Variants in B4GAT1 observed in about 807,000 individuals in gnomAD.
B4GAT1 encodes the protein N-acetyllactosaminide beta-1,3-N-acetylglucosaminyltransferase.
A neutral mutation model predicts 35.0 loss-of-function variants in B4GAT1; 18 were observed. The observed-to-expected ratio is 0.51, with a 90% CI of 0.36 to 0.76. The LOEUF (loss-of-function observed/expected upper bound fraction) is 0.76. Among genes scored for constraint, B4GAT1 ranks in the 30% least tolerant of loss-of-function variants. The pLI is 0.01. For synonymous variants in B4GAT1, 217 were observed against 251.6 expected, an observed-to-expected ratio of 0.86 and a Z score of 1.30; for missense variants, 458 against 555.0, an observed-to-expected ratio of 0.83 and a Z score of 1.76.
Position 66,347,261 on chromosome 11 carries a change from C to G in B4GAT1, c.285G>C (p.Val95=). ...CCACGCTGGCGTGCGTGGCCAGGAT[C>G]ACATCGTTGGGGTCCATGGTGGTCT... ...LLKTTMDPND[V]ILATHASVDN... is the part of the protein sequence containing the mutation. Residue 95 remains valine, a synonymous_variant, in exon 1 of 2, where the codon GTG becomes GTC. Transcript: ENST00000311181. This position sits in a 1 kb window ranked among gnomAD's most constrained non-coding sequence, Gnocchi z 6.3. 6.4e-7 allele frequency: 1 copy of G among 1,570,412 alleles called. No individual in the cohort carries two copies. Among genetic ancestry groups the G allele is most frequent in the Non-Finnish European group, 8.6e-7 (1 of 1,158,120 alleles).
Position 66,347,080 on chromosome 11 carries a change from G to T in B4GAT1, c.466C>A (p.His156Asn). The change falls in exon 1 of 2, where the codon CAC becomes AAC. Residue 156 changes from histidine to asparagine, a missense_variant. His to Asn is a moderately conservative substitution (Grantham distance 68). Coordinates refer to ENST00000311181, the MANE Select transcript of B4GAT1 (RefSeq NM_006876.3). This position sits in a 1 kb window ranked among gnomAD's most constrained non-coding sequence, Gnocchi z 6.3. ...CPDMRARVAM[H>N]LVCPSRYEAA... ...TCGTAACGCGAGGGGCACACGAGGT[G>T]CATGGCGACCCTGGCGCGCATGTCG... 1 of 1,584,310 alleles carries T rather than the reference G, an allele frequency of 6.3e-7. No individual in the cohort carries two copies. Among genetic ancestry groups the T allele is most frequent in the Non-Finnish European group, 8.6e-7 (1 of 1,166,252 alleles).
Position 66,346,650 on chromosome 11 carries a change from G to T in B4GAT1, c.896C>A (p.Thr299Asn). Reference sequence around the variant, plus strand: ...CAGGTTGACCCAGCGGGAATAGTTGGTGGGTGCCTGGCAGGGGGTGCACAA... The same window carrying T: ...CAGGTTGACCCAGCGGGAATAGTTGTTGGGTGCCTGGCAGGGGGTGCACAA... ...YGLCTPCQAP[T>N]NYSRWVNLPE... The change falls in exon 1 of 2, where the codon ACC (threonine) becomes AAC (asparagine). Residue 299 changes from threonine (T) to asparagine (N), a missense_variant. By Grantham distance (65) the Thr-to-Asn change is moderately conservative. Transcript: ENST00000311181. This position sits in a 1 kb window ranked among gnomAD's most constrained non-coding sequence, Gnocchi z 6.1. 1 of 1,613,854 alleles carries T rather than the reference G, an allele frequency of 6.2e-7. No individual in the cohort carries two copies. Among genetic ancestry groups the T allele is most frequent in the Non-Finnish European group, 8.5e-7 (1 of 1,180,024 alleles).
At position 66,345,965 on chromosome 11, in the gene B4GAT1, A is replaced by G; in HGVS notation, c.*84T>C. 4 of 1,414,150 alleles carry G rather than the reference A, an allele frequency of 2.8e-6. No individual in the cohort carries two copies. In the East Asian group the frequency reaches 9.2e-5, roughly 33 times the overall value. The allele number at this position is 1,414,150 out of a possible 1,614,324, so 87.6% of individuals were successfully genotyped here. Reference sequence around the variant, plus strand: ...CACCACAGCTACCTCTGTAAAGTGGAGCGACATTTCTTACCCCAGTCAGGC... The same window carrying G: ...CACCACAGCTACCTCTGTAAAGTGGGGCGACATTTCTTACCCCAGTCAGGC... On this transcript the variant is annotated 3_prime_UTR_variant, in exon 2 of 2. Transcript: ENST00000311181.
chr11:66,347,237 C>G lies in B4GAT1; in HGVS notation c.309G>C (p.Val103=). The change falls in exon 1 of 2, where the codon GTG becomes GTC. Residue 103 remains valine (V), a synonymous_variant. Transcript: ENST00000311181. The surrounding 1 kb of genome is among the most constrained non-coding windows in gnomAD (Gnocchi z 6.3). The part of the protein sequence containing the change: ...NDVILATHAS[V]DNLLHLSGLL... ...GACCCGACAGGTGCAGCAGGTTGTCCACGCTGGCGTGCGTGGCCAGGATCA... is the reference window on the plus strand; with the variant it reads ...GACCCGACAGGTGCAGCAGGTTGTCGACGCTGGCGTGCGTGGCCAGGATCA... 6.4e-7 allele frequency: 1 copy of G among 1,570,576 alleles called. No homozygotes were observed. The highest frequency in any genetic ancestry group is 8.6e-7 in the Non-Finnish European group (1 of 1,158,294).
Position 66,346,179 on chromosome 11 carries a change from T to A in B4GAT1, c.1118A>T (p.His373Leu). 1 of 1,614,132 alleles carries A rather than the reference T, an allele frequency of 6.2e-7. No individual in the cohort carries two copies. Among genetic ancestry groups the A allele is most frequent in the Non-Finnish European group, 8.5e-7 (1 of 1,180,012 alleles). The stretch of plus-strand genomic sequence containing the variant: ...CTTCAACGCTTCTTTGAAGCCCTTA[T>A]GAACCAAGAAACCTTCGTTCAGGAC... ...FEVLNEGFLV[H>L]KGFKEALKFH... is the part of the protein sequence containing the mutation. The change falls in exon 2 of 2, where the codon CAT becomes CTT. Residue 373 changes from histidine to leucine, a missense_variant. Transcript: ENST00000311181. The surrounding 1 kb of genome is among the most constrained non-coding windows in gnomAD (Gnocchi z 6.1).
chr11:66,346,313 A>C lies in B4GAT1; in HGVS notation c.1057-73T>G. On this transcript the variant is annotated intron_variant, in intron 1 of 1. Coordinates refer to ENST00000311181, the MANE Select transcript of B4GAT1 (RefSeq NM_006876.3). The surrounding 1 kb of genome is among the most constrained non-coding windows in gnomAD (Gnocchi z 6.1). Reference sequence around the variant, plus strand: ...CTGAGACTGACTTCCCTAAAGCCACAGTCCAGCGTCCTCACCCCTCTGGAA... The same window carrying C: ...CTGAGACTGACTTCCCTAAAGCCACCGTCCAGCGTCCTCACCCCTCTGGAA... 1 of 1,573,210 alleles carries C rather than the reference A, an allele frequency of 6.4e-7. No homozygotes were observed. The highest frequency in any genetic ancestry group is 8.6e-7 in the Non-Finnish European group (1 of 1,156,468).
chr11:66,346,871 C>G lies in B4GAT1; in HGVS notation c.675G>C (p.Val225=). The G allele has an allele frequency of 1.2e-6, 2 of 1,613,946 alleles. No homozygotes were observed. The highest frequency in any genetic ancestry group is 1.6e-4 in the Middle Eastern group (1 of 6,062). Residue 225 remains valine, a synonymous_variant, in exon 1 of 2, where the codon GTG becomes GTC. Coordinates refer to ENST00000311181, the MANE Select transcript of B4GAT1 (RefSeq NM_006876.3). This position sits in a 1 kb window ranked among gnomAD's most constrained non-coding sequence, Gnocchi z 6.1. Reference sequence around the variant, plus strand: ...CGCTGGGCACCATGTCCACATCGATCACCAGGGCATAGTTGGCCCCCTCAC... The same window carrying G: ...CGCTGGGCACCATGTCCACATCGATGACCAGGGCATAGTTGGCCCCCTCAC... ...LAREGANYAL[V]IDVDMVPSEG...
chr11:66,347,044 G>T lies in B4GAT1; in HGVS notation c.502C>A (p.Pro168Thr). 1 of 1,588,352 alleles carries T rather than the reference G, an allele frequency of 6.3e-7. No individual in the cohort carries two copies. Residue 168 changes from proline to threonine, a missense_variant, in exon 1 of 2, where the codon CCC (proline) becomes ACC (threonine). By Grantham distance (38) the Pro-to-Thr change is conservative (BLOSUM62 -1). Transcript: ENST00000311181. This position sits in a 1 kb window ranked among gnomAD's most constrained non-coding sequence, Gnocchi z 6.3. The stretch of plus-strand genomic sequence containing the variant: ...AACTCCCCCGGCTCCCGGGGGTCGG[G>T]CACGGCTGCCTCGTAACGCGAGGGG... Reference protein sequence around the residue: ...VCPSRYEAAVPDPREPGEFAL... With the variant: ...VCPSRYEAAVTDPREPGEFAL...
chr11:66,346,561 A>G lies in B4GAT1; in HGVS notation c.985T>C (p.Tyr329His), dbSNP rs1855217480. ...GTGGGCACCTTGCCTCCTGCCACGT[A>G]GAATGGCTCCCAGGGGTCCTGCCAA... ...VPWQDPWEPF[Y>H]VAGGKVPTFD... is the part of the protein sequence containing the mutation. The change falls in exon 1 of 2, where the codon TAC becomes CAC. Residue 329 changes from tyrosine to histidine, a missense_variant. Physicochemically the swap from Tyr to His is moderately conservative, Grantham distance 83 (BLOSUM62 2). Coordinates refer to ENST00000311181, the MANE Select transcript of B4GAT1 (RefSeq NM_006876.3). This position sits in a 1 kb window ranked among gnomAD's most constrained non-coding sequence, Gnocchi z 6.1. 2 of 1,613,672 alleles carry G rather than the reference A, an allele frequency of 1.2e-6. No individual in the cohort carries two copies. Among genetic ancestry groups the G allele is most frequent in the South Asian group, 2.2e-5 (2 of 91,090 alleles).
Position 66,347,611 on chromosome 11 carries a change from C to G in B4GAT1, c.-66G>C, listed in dbSNP as rs1855242694. The G allele has an allele frequency of 1.6e-6, 2 of 1,231,716 alleles. No homozygotes were observed. Among genetic ancestry groups the G allele is most frequent in the Non-Finnish European group, 1.0e-6 (1 of 987,856 alleles). 76.3% of individuals were successfully genotyped at this position (1,231,716 alleles called of 1,614,324 possible). On this transcript the variant is annotated 5_prime_UTR_variant, in exon 1 of 2. Coordinates refer to ENST00000311181, the MANE Select transcript of B4GAT1 (RefSeq NM_006876.3). The surrounding 1 kb of genome is among the most constrained non-coding windows in gnomAD (Gnocchi z 6.3). ...CACAGACTACGCCAGCGGCCGCAAG[C>G]CCGGATTTACCGCAGCCTGCCGAGC... is the stretch of plus-strand genomic sequence containing the variant.
In B4GAT1 at chr11:66,347,094, G is replaced by A. The variant is rs1414389639; in HGVS notation, c.452C>T (p.Ala151Val). Residue 151 changes from alanine to valine, a missense_variant, in exon 1 of 2, where the codon GCC becomes GTC. Transcript: ENST00000311181. This position sits in a 1 kb window ranked among gnomAD's most constrained non-coding sequence, Gnocchi z 6.3. ...GCACACGAGGTGCATGGCGACCCTG[G>A]CGCGCATGTCGGGGCAGTGGCTGCT... ...ALSSHCPDMR[A>V]RVAMHLVCPS... 6.3e-7 allele frequency: 1 copy of A among 1,583,504 alleles called. No individual in the cohort carries two copies. Among genetic ancestry groups the A allele is most frequent in the African/African-American group, 1.3e-5 (1 of 74,478 alleles).
At position 66,345,560 on chromosome 11, in the gene B4GAT1, A is replaced by G. The variant is rs1281568467; in HGVS notation, c.*489T>C. The stretch of plus-strand genomic sequence containing the variant: ...GGCTTCTGTTCAAGAGCTAAGAACT[A>G]AATTTTATGCCTTCATCTGATTTCT... On this transcript the variant is annotated 3_prime_UTR_variant, in exon 2 of 2. Coordinates refer to ENST00000311181, the MANE Select transcript of B4GAT1 (RefSeq NM_006876.3). The G allele has an allele frequency of 6.5e-6, 1 of 153,026 alleles. No individual in the cohort carries two copies. The highest frequency in any genetic ancestry group is 1.5e-5 in the Non-Finnish European group (1 of 68,572). 9.5% of individuals were successfully genotyped at this position (153,026 alleles called of 1,614,324 possible).
Position 66,346,896 on chromosome 11 carries a change from C to G in B4GAT1, c.650G>C (p.Arg217Pro). The stretch of plus-strand genomic sequence containing the variant: ...CACCAGGGCATAGTTGGCCCCCTCA[C>G]GAGCCAGATTCCTCAGCAGGTTATT... The part of the protein sequence containing the change: ...YPNNLLRNLA[R>P]EGANYALVID... The change falls in exon 1 of 2, where the codon CGT becomes CCT. Residue 217 changes from arginine (R) to proline (P), a missense_variant. Arg to Pro is a moderately radical substitution (Grantham distance 103, BLOSUM62 -2). Coordinates refer to ENST00000311181, the MANE Select transcript of B4GAT1 (RefSeq NM_006876.3). This position sits in a 1 kb window ranked among gnomAD's most constrained non-coding sequence, Gnocchi z 6.1. The G allele has an allele frequency of 1.2e-6, 2 of 1,613,954 alleles. No homozygotes were observed. The highest frequency in any genetic ancestry group is 1.3e-5 in the African/African-American group (1 of 75,040).
Position 66,346,582 on chromosome 11 carries a change from G to A in B4GAT1, c.964C>T (p.Gln322Ter), listed in dbSNP as rs1165237613. The A allele has an allele frequency of 3.1e-6, 5 of 1,613,968 alleles. No individual in the cohort carries two copies. Among genetic ancestry groups the A allele is most frequent in the Non-Finnish European group, 4.2e-6 (5 of 1,180,020 alleles). Residue 322 changes from glutamine to a stop codon, truncating the protein, a stop_gained, in exon 1 of 2, where the codon CAG becomes TAG. Transcript: ENST00000311181. LOFTEE classifies it high-confidence loss of function. The surrounding 1 kb of genome is among the most constrained non-coding windows in gnomAD (Gnocchi z 6.1). ...LLRPAYVVPW[Q>*]DPWEPFYVAG... is the part of the protein sequence containing the mutation. Reference sequence around the variant, plus strand: ...ACGTAGAATGGCTCCCAGGGGTCCTGCCAAGGTACCACGTAGGCGGGCCGC... The same window carrying A: ...ACGTAGAATGGCTCCCAGGGGTCCTACCAAGGTACCACGTAGGCGGGCCGC...
Position 66,346,105 on chromosome 11 carries a change from G to A in B4GAT1, c.1192C>T (p.Arg398Cys), listed in dbSNP as rs1221193182. 1 of 1,614,114 alleles carries A rather than the reference G, an allele frequency of 6.2e-7. No individual in the cohort carries two copies. The highest frequency in any genetic ancestry group is 8.5e-7 in the Non-Finnish European group (1 of 1,180,008). Residue 398 changes from arginine (R) to cysteine (C), a missense_variant, in exon 2 of 2, where the codon CGC becomes TGC. Physicochemically the swap from Arg to Cys is radical, Grantham distance 180. Coordinates refer to ENST00000311181, the MANE Select transcript of B4GAT1 (RefSeq NM_006876.3). This position sits in a 1 kb window ranked among gnomAD's most constrained non-coding sequence, Gnocchi z 6.1. ...AENQHNKILY[R>C]QFKQELKAKY... Reference sequence around the variant, plus strand: ...GCCTTCAACTCCTGTTTGAACTGGCGATATAGGATCTTATTGTGCTGATTT... The same window carrying A: ...GCCTTCAACTCCTGTTTGAACTGGCAATATAGGATCTTATTGTGCTGATTT...
rs775532954 is a variant in B4GAT1 at position 66,347,142 on chromosome 11, G to A, written c.404C>T (p.Ala135Val). 15 of 1,592,902 alleles carry A rather than the reference G, an allele frequency of 9.4e-6. No homozygotes were observed. The South Asian group carries it at 1.1e-4, about 12-fold the overall frequency. ...GCTCAGCGCGTAGGCCAGCACCGTGGCCAGCTGCGCCTCCTCCTTGGTGGC... is the reference window on the plus strand; with the variant it reads ...GCTCAGCGCGTAGGCCAGCACCGTGACCAGCTGCGCCTCCTCCTTGGTGGC... The part of the protein sequence containing the change: ...FAATKEEAQL[A>V]TVLAYALSSH... The change falls in exon 1 of 2, where the codon GCC (alanine) becomes GTC (valine). Residue 135 changes from alanine to valine, a missense_variant. Coordinates refer to ENST00000311181, the MANE Select transcript of B4GAT1 (RefSeq NM_006876.3). This position sits in a 1 kb window ranked among gnomAD's most constrained non-coding sequence, Gnocchi z 6.3.
Position 66,345,984 on chromosome 11 carries a change from G to T in B4GAT1, c.*65C>A. ...AAGTGGAGCGACATTTCTTACCCCA[G>T]TCAGGCCTAAATGGTGGCCTGAGGA... On this transcript the variant is annotated 3_prime_UTR_variant, in exon 2 of 2. Coordinates refer to ENST00000311181, the MANE Select transcript of B4GAT1 (RefSeq NM_006876.3). 2.7e-6 allele frequency: 4 copies of T among 1,499,676 alleles called. No individual in the cohort carries two copies. In the South Asian group the frequency reaches 4.9e-5, roughly 18 times the overall value. 92.9% of individuals were successfully genotyped at this position (1,499,676 alleles called of 1,614,324 possible).
Position 66,346,802 on chromosome 11 carries a change from G to C in B4GAT1, c.744C>G (p.Asn248Lys), listed in dbSNP as rs1855223783. The C allele has an allele frequency of 6.2e-7, 1 of 1,612,688 alleles. No homozygotes were observed. Among genetic ancestry groups the C allele is most frequent in the South Asian group, 1.1e-5 (1 of 91,012 alleles). ...CCACCAGCGCGGTGCCTCCCCACTG[G>C]TTGCTCTGATCCAGCATTTCCCGCA... ...RGLREMLDQS[N>K]QWGGTALVVP... Residue 248 changes from asparagine to lysine, a missense_variant, in exon 1 of 2, where the codon AAC becomes AAG. By Grantham distance (94) the Asn-to-Lys change is moderately conservative. Transcript: ENST00000311181. This position sits in a 1 kb window ranked among gnomAD's most constrained non-coding sequence, Gnocchi z 6.1.
chr11:66,347,208 A>G lies in B4GAT1; in HGVS notation c.338T>C (p.Leu113Pro), dbSNP rs757942327. 16 of 1,576,444 alleles carry G rather than the reference A, an allele frequency of 1.0e-5. No homozygotes were observed. The highest frequency in any genetic ancestry group is 1.4e-5 in the African/African-American group (1 of 73,992). ...GGACAGCGGGCCCTCCCAGCGCTCCAGCAGACCCGACAGGTGCAGCAGGTT... is the reference window on the plus strand; with the variant it reads ...GGACAGCGGGCCCTCCCAGCGCTCCGGCAGACCCGACAGGTGCAGCAGGTT... The part of the protein sequence containing the change: ...VDNLLHLSGL[L>P]ERWEGPLSVS... The change falls in exon 1 of 2, where the codon CTG (leucine) becomes CCG (proline). Residue 113 changes from leucine to proline, a missense_variant. Leu to Pro is a moderately conservative substitution (Grantham distance 98). Coordinates refer to ENST00000311181, the MANE Select transcript of B4GAT1 (RefSeq NM_006876.3). This position sits in a 1 kb window ranked among gnomAD's most constrained non-coding sequence, Gnocchi z 6.3.
Sources: allele counts gnomAD v4.1 joint callset, GRCh38; gene constraint gnomAD v4.1.1; non-coding constraint Gnocchi (gnomAD v3.1); transcripts MANE v1.5; gene names NCBI Gene and HGNC (gene_info 2026-07-23, HGNC 2026-07-21).